CDH18: variants seen among roughly 807,000 people sequenced by gnomAD.
CDH18 encodes the protein cadherin 18, also known as cadherin-18.
In CDH18, 31 loss-of-function variants were observed where a neutral mutation model predicts 67.9. The observed-to-expected ratio is 0.46, with a 90% CI of 0.34 to 0.62. CDH18 has a LOEUF of 0.62. Ranked by LOEUF, CDH18 falls within the 20% of genes least tolerant of loss-of-function variation. CDH18 has a pLI of 0.01. For synonymous variants in CDH18, 362 were observed against 347.2 expected, an observed-to-expected ratio of 1.04 and a Z score of -0.48; for missense variants, 890 against 975.5, an observed-to-expected ratio of 0.91 and a Z score of 1.17.
chr5:20,440,331 C>T (rs1282314199), intron 1 of CDH18, among the ~76,000 whole-genome samples: 1 of 151,672 alleles, frequency 6.6e-6, no homozygotes, highest in African/African-American at 2.4e-5. Flanking sequence ...GTACAGCAGG[C>T]AAGACAGAGA....
At chr5:20,416,597 A>G (rs1353296915) in intron 1 of CDH18, among the ~76,000 whole-genome samples, 1 of 152,118 alleles carries the variant, frequency 6.6e-6, no homozygotes, top group Non-Finnish European at 1.5e-5. Flanking sequence ...GAAATACATG[A>G]AATAGTCACA....
At chr5:20,506,421 T>A (rs778972092) in intron 1 of CDH18, among the ~76,000 whole-genome samples, 1 of 152,218 alleles carries the variant, frequency 6.6e-6, no homozygotes, top group Non-Finnish European at 1.5e-5. Flanking sequence ...GGAACCTCAA[T>A]GGCAAGGAAC....
chr5:20,565,753 T>G (rs568912699), intron 1 of CDH18, among the ~76,000 whole-genome samples: 33 of 84,124 alleles, frequency 3.9e-4, no homozygotes, highest in African/African-American at 1.7e-3. Context: ...TTGTACGTTA[T>G]GATAAAAAAA....
At chr5:20,503,082 G>T (rs1754432037) in intron 1 of CDH18, among the ~76,000 whole-genome samples, 1 of 151,882 alleles carries the variant, frequency 6.6e-6, no homozygotes. Flanking sequence ...AAATAGACAG[G>T]TTTTTTAAAT....
chr5:20,285,157 C>T (rs745425848), intron 1 of CDH18, among the ~76,000 whole-genome samples: 3 of 151,366 alleles, frequency 2.0e-5, no homozygotes, highest in Non-Finnish European at 4.4e-5. Context: ...TTACAGATTC[C>T]ACCATAATTA....
chr5:19,876,542 G>A (rs181385627), intron 2 of CDH18, among the ~76,000 whole-genome samples: 1 of 152,174 alleles, frequency 6.6e-6, no homozygotes, highest in East Asian at 1.9e-4. Context: ...CCTTTTCCCA[G>A]GAGGGAATTT....
chr5:20,334,655 C>A (rs2150032283), intron 1 of CDH18, among the ~76,000 whole-genome samples: 1 of 151,612 alleles, frequency 6.6e-6, no homozygotes, highest in East Asian at 2.0e-4. Flanking sequence ...ATTAAGATTT[C>A]TATAACTAAT....
intron 2 of CDH18, among the ~76,000 whole-genome samples, chr5:19,916,523 C>CTA (rs565282339): frequency 5.9e-4 from 90 of 152,300 alleles, no homozygotes; most frequent in Non-Finnish European, 1.1e-3. Context: ...CTGCACATCT[C>CTA]TATTGCCTTC....
At chr5:19,483,583 C>G (rs756437212) in intron 11 of CDH18, 31 bp from the exon 12 acceptor site, 2 of 1,551,338 alleles carry the variant, frequency 1.3e-6, no homozygotes, top group Non-Finnish European at 8.7e-7. Flanking sequence ...ACAAAATACA[C>G]TTAGTCAAGC....
At chr5:20,566,356 T>C (rs1299539143) in intron 1 of CDH18, among the ~76,000 whole-genome samples, 4 of 136,864 alleles carry the variant, frequency 2.9e-5, no homozygotes, top group African/African-American at 9.5e-5. Context: ...TTTTTTTTCT[T>C]TTTCTTTTTT....
At chr5:19,986,441 C>T (rs905872396) in intron 1 of CDH18, among the ~76,000 whole-genome samples, 1 of 152,182 alleles carries the variant, frequency 6.6e-6, no homozygotes, top group African/African-American at 2.4e-5. Flanking sequence ...TTTCTACCTC[C>T]CATTGTTTTC....
chr5:20,440,204 G>C (rs1188394269), intron 1 of CDH18, among the ~76,000 whole-genome samples: 1 of 151,748 alleles, frequency 6.6e-6, no homozygotes, highest in Non-Finnish European at 1.5e-5. Context: ...TAGATCCTAG[G>C]AGAAGAATGA....
At chr5:20,120,593 A>T (rs1366659622) in intron 2 of CDH18, among the ~76,000 whole-genome samples, 1 of 152,190 alleles carries the variant, frequency 6.6e-6, no homozygotes. Flanking sequence ...TCTAGATTTA[A>T]GAATATTTAA....
chr5:20,433,873 A>C (rs1431502760), intron 1 of CDH18, among the ~76,000 whole-genome samples: 1 of 152,118 alleles, frequency 6.6e-6, no homozygotes, highest in Non-Finnish European at 1.5e-5. Context: ...ATTATGTTAG[A>C]GAGAGTAGAA....
chr5:20,389,709 G>C, intron 1 of CDH18, among the ~76,000 whole-genome samples: 1 of 152,064 alleles, frequency 6.6e-6, no homozygotes. Flanking sequence ...AACAAAGCTG[G>C]AGGCATCACG....
At chr5:20,073,351 A>G (rs1743649295) in intron 2 of CDH18, among the ~76,000 whole-genome samples, 1 of 151,834 alleles carries the variant, frequency 6.6e-6, no homozygotes, top group Admixed American at 6.6e-5. Context: ...TTACCTTACT[A>G]TGCCTACCAA....
chr5:20,071,671 C>T (rs1002136436), intron 2 of CDH18, among the ~76,000 whole-genome samples: 8 of 152,116 alleles, frequency 5.3e-5, no homozygotes, highest in African/African-American at 1.9e-4. Flanking sequence ...AATAGTTAAA[C>T]TATAAAAGAA....
chr5:19,610,394 GAAT>G (rs1748756640), intron 6 of CDH18, among the ~76,000 whole-genome samples: 1 of 151,868 alleles, frequency 6.6e-6, no homozygotes, highest in African/African-American at 2.4e-5. Context: ...TCATCTATAT[GAAT>G]AATATTCCTT....
intron 2 of CDH18, among the ~76,000 whole-genome samples, chr5:20,119,351 T>C (rs2126404164): frequency 6.6e-6 from 1 of 152,302 alleles, no homozygotes; most frequent in African/African-American, 2.4e-5. Context: ...CATCTGTGCA[T>C]CTGTGGTATT....
Sources: gnomAD v4.1 joint callset for allele counts (sites outside exome capture counted in the v4.1 genomes callset) on GRCh38, gnomAD v4.1.1 for gene constraint, MANE v1.5 for transcripts, NCBI Gene and HGNC (gene_info 2026-07-23, HGNC 2026-07-21) for gene names.